The following DOCK8 variants were observed in gnomAD, a reference collection of about 807,000 sequenced individuals.
DOCK8 encodes the protein dedicator of cytokinesis 8.
A neutral mutation model predicts 245.6 loss-of-function variants in DOCK8; 141 were observed. That is an observed-to-expected ratio of 0.57 (90% CI 0.50 to 0.66). DOCK8 has a LOEUF of 0.66. Ranked by LOEUF, DOCK8 falls within the 30% of genes least tolerant of loss-of-function variation. The pLI, the probability that DOCK8 is intolerant of heterozygous loss-of-function variation, is 0.00. For synonymous variants in DOCK8, 1,168 were observed against 970.2 expected (o/e 1.20, Z -3.79); for missense variants, 2,965 against 2,603.4 (o/e 1.14, Z -3.02).
chr9:428,592 G>C, intron 35 of DOCK8, 96 bp downstream of exon 35: 1 of 1,480,494 alleles, frequency 6.8e-7, no homozygotes, highest in Non-Finnish European at 9.3e-7. Flanking sequence ...AAGTCACAGA[G>C]CATATTAAGT....
At chr9:448,514 T>C (rs1286908763) in intron 44 of DOCK8, among the ~76,000 whole-genome samples, 1 of 152,194 alleles carries the variant, frequency 6.6e-6, no homozygotes, top group Non-Finnish European at 1.5e-5. Flanking sequence ...CTTAAACAAC[T>C]GAAATTTACT....
At chr9:256,169 A>G (rs1259429979) in intron 1 of DOCK8, among the ~76,000 whole-genome samples, 1 of 152,228 alleles carries the variant, frequency 6.6e-6, no homozygotes, top group African/African-American at 2.4e-5. Flanking sequence ...AATAGTGGAT[A>G]GATCACAAGA....
intron 14 of DOCK8, among the ~76,000 whole-genome samples, chr9:352,860 A>G (rs77636430): frequency 0.018 from 2,783 of 152,242 alleles, 89 homozygotes; most frequent in African/African-American, 0.063. Context: ...TCACACTGGT[A>G]TGAGTGTAGG....
rs1160042090 is a variant in DOCK8 at position 386,371 on chromosome 9, C to G, written c.2819C>G (p.Ser940Cys). ...RNCSRMSYYC[S>C]GSSDAPSSPA... ...TGCAGCCGAATGTCTTACTATTGCT[C>G]TGGCAGTAGTGATGCTCCAAGTTCA... The change falls in exon 23 of 48, where the codon TCT (serine) becomes TGT (cysteine). Residue 940 changes from serine to cysteine, a missense_variant. Transcript: ENST00000432829. The G allele has an allele frequency of 1.9e-6, 3 of 1,613,992 alleles. No homozygotes were observed. Among genetic ancestry groups the G allele is most frequent in the Non-Finnish European group, 2.5e-6 (3 of 1,179,918 alleles).
chr9:440,624 A>C lies in DOCK8; in HGVS notation c.5224-662A>C, dbSNP rs138229489. On this transcript the variant is annotated intron_variant, in intron 40 of 47. Coordinates refer to ENST00000432829, the MANE Select transcript of DOCK8 (RefSeq NM_203447.4). Reference sequence around the variant, plus strand: ...AACTCTTTGGAGGCATACATTTAGCATCTGGCTAGAGGAGGACCTCTGATG... The same window carrying C: ...AACTCTTTGGAGGCATACATTTAGCCTCTGGCTAGAGGAGGACCTCTGATG... Among the ~76,000 whole-genome samples, 17 of 152,374 alleles carry C rather than the reference A, an allele frequency of 1.1e-4. No homozygotes were observed. The East Asian group carries it at 3.1e-3, about 28-fold the overall frequency.
intron 9 of DOCK8, among the ~76,000 whole-genome samples, chr9:330,898 C>G (rs1289693107): frequency 2.0e-5 from 3 of 152,238 alleles, no homozygotes; most frequent in Middle Eastern, 3.2e-3. Context: ...TCCTTGCCCA[C>G]TGCAGCCAGG....
chr9:316,987 A>G, intron 6 of DOCK8, 56 bp from the exon 7 acceptor site: 2 of 1,406,654 alleles, frequency 1.4e-6, no homozygotes, highest in South Asian at 1.2e-5. Context: ...GTTAACTCTA[A>G]TTGGAGCTCC....
intron 4 of DOCK8, among the ~76,000 whole-genome samples, chr9:301,894 C>T (rs975404366): frequency 6.6e-6 from 1 of 151,746 alleles, no homozygotes; most frequent in African/African-American, 2.4e-5. Flanking sequence ...TAGGAAGAAT[C>T]AATATTATTA....
chr9:407,533 A>G (rs2055491461), intron 28 of DOCK8, among the ~76,000 whole-genome samples: 1 of 152,216 alleles, frequency 6.6e-6, no homozygotes, highest in Admixed American at 6.5e-5. Context: ...TCTCAGGCCA[A>G]GAGACACCAC....
intron 1 of DOCK8, among the ~76,000 whole-genome samples, chr9:262,661 T>TACCAGGAG (rs1212048125): frequency 6.6e-6 from 1 of 151,812 alleles, no homozygotes; most frequent in African/African-American, 2.4e-5. Flanking sequence ...AATTAGTAGT[T>TACCAGGAG]ACCAGGAGAC....
intron 1 of DOCK8, among the ~76,000 whole-genome samples, chr9:226,591 G>A (rs1404945710): frequency 1.3e-5 from 2 of 152,044 alleles, no homozygotes; most frequent in Non-Finnish European, 2.9e-5. Flanking sequence ...AGCTAGGGCT[G>A]ACGAATTAGA....
At chr9:360,624 C>T (rs746342428) in intron 14 of DOCK8, among the ~76,000 whole-genome samples, 3 of 152,088 alleles carry the variant, frequency 2.0e-5, no homozygotes, top group African/African-American at 4.8e-5. Flanking sequence ...TTATTGATTT[C>T]GGTTTTGAGG....
At chr9:419,716 TTGA>T (rs1177133474) in intron 30 of DOCK8, among the ~76,000 whole-genome samples, 1 of 152,168 alleles carries the variant, frequency 6.6e-6, no homozygotes, top group Non-Finnish European at 1.5e-5. Context: ...GTTGTTTGTG[TTGA>T]TGAGATGAGT....
At chr9:433,829 T>G (rs1338925115) in intron 37 of DOCK8, 46 bp from the exon 38 acceptor site, 1 of 1,477,202 alleles carries the variant, frequency 6.8e-7, no homozygotes, top group Non-Finnish European at 9.5e-7. Context: ...ACTCTTCACC[T>G]GGGACTACAA....
At chr9:421,325 C>T (rs186261914) in intron 32 of DOCK8, among the ~76,000 whole-genome samples, 9 of 152,274 alleles carry the variant, frequency 5.9e-5, no homozygotes, top group Non-Finnish European at 8.8e-5. Flanking sequence ...AATTAAAACT[C>T]GTTGATGGTA....
At chr9:246,333 A>G (rs143953437) in intron 1 of DOCK8, among the ~76,000 whole-genome samples, 2 of 152,286 alleles carry the variant, frequency 1.3e-5, no homozygotes, top group Non-Finnish European at 1.5e-5. Context: ...AGCCTGGGCA[A>G]CATAGCGTGA....
At chr9:233,067 A>C (rs943070699) in intron 1 of DOCK8, among the ~76,000 whole-genome samples, 1 of 152,140 alleles carries the variant, frequency 6.6e-6, no homozygotes, top group South Asian at 2.1e-4. Context: ...CACTGCTTTG[A>C]ATGTGTCCCA....
chr9:437,793 T>G (rs955692083), intron 39 of DOCK8, among the ~76,000 whole-genome samples: 3 of 152,188 alleles, frequency 2.0e-5, no homozygotes, highest in Non-Finnish European at 4.4e-5. Flanking sequence ...AGTGCAATAT[T>G]TATTTCACAA....
intron 1 of DOCK8, among the ~76,000 whole-genome samples, chr9:229,329 C>T (rs2047055569): frequency 6.6e-6 from 1 of 152,144 alleles, no homozygotes; most frequent in African/African-American, 2.4e-5. Flanking sequence ...AAACTGACTC[C>T]TTTAAAGTTA....
Sources: allele counts gnomAD v4.1 joint callset (sites outside exome capture counted in the v4.1 genomes callset), GRCh38; gene constraint gnomAD v4.1.1; transcripts MANE v1.5; gene names NCBI Gene and HGNC (gene_info 2026-07-23, HGNC 2026-07-21).